The following DENND4A variants were observed in gnomAD, a reference collection of about 807,000 sequenced individuals.
DENND4A encodes the protein DENN domain containing 4A, also known as C-myc promoter-binding protein.
DENND4A carries 70 observed loss-of-function variants against 199.3 expected under a neutral mutation model. That is an observed-to-expected ratio of 0.35 (90% confidence interval 0.29 to 0.43). The LOEUF (loss-of-function observed/expected upper bound fraction) is 0.43. Ranked by LOEUF, DENND4A falls within the 20% of genes least tolerant of loss-of-function variation. The pLI is 1.00. For missense variants in DENND4A, 1,723 were observed against 2,255.8 expected (o/e 0.76, Z 4.78); for synonymous variants, 686 against 766.9 (o/e 0.89, Z 1.74).
chr15:65,766,980 T>A (rs1186921165), intron 1 of DENND4A, among the ~76,000 whole-genome samples: 1 of 152,188 alleles, frequency 6.6e-6, no homozygotes, highest in Non-Finnish European at 1.5e-5. Flanking sequence ...CTGGACAGAA[T>A]AAGAACACAC....
At chr15:65,739,424 TAG>T (rs1240728522) in intron 5 of DENND4A, among the ~76,000 whole-genome samples, 1 of 152,212 alleles carries the variant, frequency 6.6e-6, no homozygotes, top group Non-Finnish European at 1.5e-5. Flanking sequence ...TATATGAAGA[TAG>T]AGTTTTAAGT....
At chr15:65,686,866 TAA>T (rs55817012) in intron 23 of DENND4A, among the ~76,000 whole-genome samples, 2 of 142,206 alleles carry the variant, frequency 1.4e-5, no homozygotes, top group African/African-American at 5.2e-5. Flanking sequence ...TAGTTAAAAT[TAA>T]AAAAAAAAAA....
chr15:65,773,098 G>A (rs1213352417), intron 1 of DENND4A, among the ~76,000 whole-genome samples: 12 of 151,350 alleles, frequency 7.9e-5, no homozygotes, highest in South Asian at 2.1e-4. Flanking sequence ...TGGCATCAAC[G>A]GTGTGTTCAA....
intron 1 of DENND4A, among the ~76,000 whole-genome samples, chr15:65,772,902 C>T (rs1460496601): frequency 6.6e-6 from 1 of 150,458 alleles, no homozygotes; most frequent in Non-Finnish European, 1.5e-5. Context: ...CAGTCTGCCA[C>T]CCAAAAGTGG....
intron 11 of DENND4A, chr15:65,728,860 G>GTGGTCGCC: frequency 3.5e-6 from 2 of 578,678 alleles, no homozygotes; most frequent in South Asian, 1.9e-5. Context: ...GAGGATGAAA[G>GTGGTCGCC]GTATAGTCCT....
intron 1 of DENND4A, among the ~76,000 whole-genome samples, chr15:65,763,273 C>G (rs1414822283): frequency 6.6e-6 from 1 of 152,180 alleles, no homozygotes; most frequent in Non-Finnish European, 1.5e-5. Flanking sequence ...TATCTACTAA[C>G]AACCAGGAAA....
chr15:65,676,628 T>G lies in DENND4A; in HGVS notation c.4186A>C (p.Ser1396Arg). 1 of 1,610,236 alleles carries G rather than the reference T, an allele frequency of 6.2e-7. No homozygotes were observed. Among genetic ancestry groups the G allele is most frequent in the Non-Finnish European group, 8.5e-7 (1 of 1,178,136 alleles). The change falls in exon 24 of 33, where the codon AGT (serine) becomes CGT (arginine). Residue 1396 changes from serine (S) to arginine (R), a missense_variant. Ser to Arg is a moderately radical substitution (Grantham distance 110). This residue lies in a region of DENND4A where 650 missense variants were observed against 738.1 expected (regional missense o/e 0.88). Transcript: ENST00000443035. ...TMYTTSSKDQSSDRTSLSSVG... is the reference protein window; with the variant it reads ...TMYTTSSKDQRSDRTSLSSVG... ...GAAGAAAGACTGGTACGATCAGAAC[T>G]TTGATCCTAAGGACATAATTATAAG...
chr15:65,664,759 T>G (rs755504290), intron 30 of DENND4A, 37 bp from the exon 31 acceptor site: 3 of 1,571,030 alleles, frequency 1.9e-6, no homozygotes, highest in Non-Finnish European at 1.7e-6. Context: ...AGGAAAATGT[T>G]CTGTGTAGAA....
intron 15 of DENND4A, among the ~76,000 whole-genome samples, chr15:65,703,258 G>A (rs1039804137): frequency 2.0e-5 from 3 of 152,120 alleles, no homozygotes; most frequent in Admixed American, 1.3e-4. Flanking sequence ...AAACATAAAT[G>A]AACATGACAT....
chr15:65,663,201 T>TTA (rs1566978787), intron 32 of DENND4A, among the ~76,000 whole-genome samples: 4 of 142,122 alleles, frequency 2.8e-5, no homozygotes, highest in Non-Finnish European at 6.1e-5. Flanking sequence ...TATATATATT[T>TTA]TTTTTTTTTT....
At chr15:65,783,299 T>C (rs552179575) in intron 1 of DENND4A, among the ~76,000 whole-genome samples, 3 of 152,256 alleles carry the variant, frequency 2.0e-5, no homozygotes, top group East Asian at 1.9e-4. Flanking sequence ...AATAAGTTAA[T>C]AGATGTCAGA....
At chr15:65,758,181 AAAT>A (rs2076761741) in intron 2 of DENND4A, among the ~76,000 whole-genome samples, 1 of 152,228 alleles carries the variant, frequency 6.6e-6, no homozygotes, top group Non-Finnish European at 1.5e-5. Context: ...GAAGAATTTC[AAAT>A]AATAAAAGTA....
chr15:65,769,281 A>G (rs1472402448), intron 1 of DENND4A, among the ~76,000 whole-genome samples: 2 of 151,994 alleles, frequency 1.3e-5, no homozygotes, highest in African/African-American at 4.8e-5. Flanking sequence ...GTTTTATAGT[A>G]AGACCTTATA....
chr15:65,662,032 C>T, intron 32 of DENND4A, 45 bp from the exon 33 acceptor site: 1 of 1,529,012 alleles, frequency 6.5e-7, no homozygotes, highest in Non-Finnish European at 8.9e-7. Flanking sequence ...AAATTTAGGT[C>T]TGATGTTGAA....
At chr15:65,785,264 C>T (rs950377071) in intron 1 of DENND4A, among the ~76,000 whole-genome samples, 1 of 151,022 alleles carries the variant, frequency 6.6e-6, no homozygotes, top group African/African-American at 2.4e-5. Flanking sequence ...CTTTGGGGGG[C>T]CAAGGCAGGC....
intron 11 of DENND4A, among the ~76,000 whole-genome samples, chr15:65,726,899 T>C (rs919815751): frequency 2.0e-5 from 3 of 151,778 alleles, no homozygotes; most frequent in African/African-American, 7.3e-5. Flanking sequence ...GAGGTTGCAG[T>C]GAGCTGAGAT....
intron 7 of DENND4A, among the ~76,000 whole-genome samples, chr15:65,736,432 T>C (rs2076121231): frequency 7.0e-6 from 1 of 142,268 alleles, no homozygotes; most frequent in African/African-American, 2.6e-5. Context: ...GCTTTTGTAT[T>C]TTTTTTTTTT....
rs1411902952 is a variant in DENND4A, at chr15:65,663,201, T to A, written c.5587+1129A>T. Among the ~76,000 whole-genome samples the A allele has an allele frequency of 5.7e-3, 803 of 142,052 alleles. 4 individuals are homozygous for A. The highest frequency in any genetic ancestry group is 0.013 in the East Asian group (68 of 5,068). The allele number at this position is 142,052 out of a possible 152,430, so 93.2% of individuals were successfully genotyped here. A position where few individuals can be genotyped will look rare whatever the true frequency, so the allele number is the denominator to read the frequency against. Reference sequence around the variant, plus strand: ...GTATATATATATATATATATATATTTTTTTTTTTTTATTTTTTTTTTTGGT... The same window carrying A: ...GTATATATATATATATATATATATTATTTTTTTTTTATTTTTTTTTTTGGT... On this transcript the variant is annotated intron_variant, in intron 32 of 32. Coordinates refer to ENST00000443035, the MANE Select transcript of DENND4A (RefSeq NM_001320835.1).
chr15:65,671,257 TAG>T (rs1319370443), intron 25 of DENND4A, among the ~76,000 whole-genome samples: 2 of 152,232 alleles, frequency 1.3e-5, no homozygotes, highest in African/African-American at 4.8e-5. Flanking sequence ...AAAGTAAGCA[TAG>T]ATCTGTCCTA....
Sources: gnomAD v4.1 joint callset for allele counts (sites outside exome capture counted in the v4.1 genomes callset) on GRCh38, gnomAD v4.1.1 for gene constraint, gnomAD v4.1.1 regional missense constraint, MANE v1.5 for transcripts, NCBI Gene and HGNC (gene_info 2026-07-23, HGNC 2026-07-21) for gene names.